The following SYTL3 variants were observed in gnomAD, a reference collection of about 807,000 sequenced individuals.
SYTL3 encodes the protein synaptotagmin like 3, also known as synaptotagmin-like protein 3.
SYTL3 carries 88 observed loss-of-function variants against 82.1 expected under a neutral mutation model. That is an observed-to-expected ratio of 1.07 (90% confidence interval 0.90 to 1.28). The LOEUF (loss-of-function observed/expected upper bound fraction) is 1.28, where lower values mean the gene tolerates loss of function less well. Among genes scored for constraint, SYTL3 ranks in the 50% most tolerant of loss-of-function variants. SYTL3 has a pLI of 0.00. For missense variants in SYTL3, 831 were observed against 757.6 expected (o/e 1.10, Z -1.14); for synonymous variants, 311 against 289.4 (o/e 1.07, Z -0.76).
At chr6:158,683,154 A>G (rs1778907892) in intron 6 of SYTL3, among the ~76,000 whole-genome samples, 165 bp downstream of exon 6, 1 of 148,400 alleles carries the variant, frequency 6.7e-6, no homozygotes, top group South Asian at 2.1e-4. Flanking sequence ...CACGCTGCTC[A>G]TTCCCTCTGC....
Position 158,665,418 on chromosome 6 carries a change from A to G in SYTL3, c.134A>G (p.His45Arg), listed in dbSNP as rs772353824. ...RTRKLKTHLQ[H>R]LRWKGAKNTD... ...AGGAAACTGAAAACACACCTGCAGCATCTCCGGTGGAAAGGAGCGAAGAAC... is the reference window on the plus strand; with the variant it reads ...AGGAAACTGAAAACACACCTGCAGCGTCTCCGGTGGAAAGGAGCGAAGAAC... Residue 45 changes from histidine (H) to arginine (R), a missense_variant, in exon 5 of 18, where the codon CAT (histidine) becomes CGT (arginine). Physicochemically the swap from His to Arg is conservative, Grantham distance 29. Transcript: ENST00000611299. 2.5e-5 allele frequency: 40 copies of G among 1,602,138 alleles called. No individual in the cohort carries two copies. In the South Asian group the frequency reaches 4.4e-4, roughly 18 times the overall value.
At chr6:158,725,439 A>G (rs1018432695) in intron 10 of SYTL3, 64 bp from the exon 11 acceptor site, 61 of 1,575,274 alleles carry the variant, frequency 3.9e-5, no homozygotes, top group Non-Finnish European at 4.8e-5. Flanking sequence ...TGAAGTCACC[A>G]CATTTGAACA....
intron 13 of SYTL3, among the ~76,000 whole-genome samples, chr6:158,752,610 G>A (rs926877823): frequency 3.3e-5 from 5 of 152,170 alleles, no homozygotes; most frequent in African/African-American, 9.7e-5. Context: ...CTCTGATGTC[G>A]GGTGGAAGGC....
chr6:158,648,598 A>AT (rs1358477657), upstream of SYTL3, among the ~76,000 whole-genome samples: 102 of 134,156 alleles, frequency 7.6e-4, no homozygotes, highest in African/African-American at 2.6e-3. Context: ...CTCAAAAAAA[A>AT]AAAAAAAAAA....
At position 158,665,625 on chromosome 6, in the gene SYTL3, C is replaced by T. The variant is rs965157412; in HGVS notation, c.329+12C>T. The T allele has an allele frequency of 1.8e-5, 27 of 1,531,680 alleles. No individual in the cohort carries two copies. The highest frequency in any genetic ancestry group is 2.4e-5 in the South Asian group (2 of 82,752). The allele number at this position is 1,531,680 out of a possible 1,614,324, so 94.9% of individuals were successfully genotyped here. A position where few individuals can be genotyped will look rare whatever the true frequency, so the allele number is the denominator to read the frequency against. On this transcript the variant is annotated intron_variant, in intron 5 of 17. Coordinates refer to ENST00000611299, the MANE Select transcript of SYTL3 (RefSeq NM_001242394.2). ...TGCTTCGAGGACAGGTAAGCATGGC[C>T]GGTGGTTGGATCCCTCCCACTGATT...
chr6:158,677,705 C>CAAAA (rs56865775), intron 5 of SYTL3, among the ~76,000 whole-genome samples: 13 of 68,106 alleles, frequency 1.9e-4, no homozygotes, highest in African/African-American at 3.0e-4. Flanking sequence ...AACTCTGTCT[C>CAAAA]AAAAAAAAAA....
intron 11 of SYTL3, among the ~76,000 whole-genome samples, chr6:158,744,304 CTTTTTTTTT>C (rs869182913): frequency 1.0e-5 from 1 of 99,220 alleles, no homozygotes; most frequent in East Asian, 3.4e-4. Flanking sequence ...CTTTTTCTTT[CTTTTTTTTT>C]TTTTTTTTTT....
Position 158,745,628 on chromosome 6 carries a change from A to T in SYTL3, c.1004A>T (p.Tyr335Phe), listed in dbSNP as rs373013617. The stretch of plus-strand genomic sequence containing the variant: ...ATCAAGGCCTGTAAGAACCTTGCCT[A>T]TGGAGAAGAAAAGAAGAAAAAGTGC... ...ICIKACKNLA[Y>F]GEEKKKKCNP... The change falls in exon 12 of 18, where the codon TAT becomes TTT. Residue 335 changes from tyrosine (Y) to phenylalanine (F), a missense_variant. Coordinates refer to ENST00000611299, the MANE Select transcript of SYTL3 (RefSeq NM_001242394.2). 2.5e-6 allele frequency: 4 copies of T among 1,604,628 alleles called. No individual in the cohort carries two copies. The highest frequency in any genetic ancestry group is 1.8e-5 in the Admixed American group (1 of 56,852).
intron 11 of SYTL3, among the ~76,000 whole-genome samples, chr6:158,737,871 A>G (rs557517043): frequency 6.6e-6 from 1 of 152,282 alleles, no homozygotes; most frequent in South Asian, 2.1e-4. Context: ...ACTCAGAGAC[A>G]TGAGCATACA....
chr6:158,749,936 C>A (rs1788183056), intron 12 of SYTL3, among the ~76,000 whole-genome samples: 1 of 152,128 alleles, frequency 6.6e-6, no homozygotes, highest in Non-Finnish European at 1.5e-5. Context: ...CCTATCACTC[C>A]TGGTTATATG....
upstream of SYTL3, among the ~76,000 whole-genome samples, chr6:158,645,289 A>G (rs1174407609): frequency 6.6e-6 from 1 of 152,122 alleles, no homozygotes; most frequent in Non-Finnish European, 1.5e-5. Context: ...TTGGGTGGAA[A>G]ATTTTGTAAA....
At chr6:158,704,138 T>G (rs551425375) in intron 6 of SYTL3, among the ~76,000 whole-genome samples, 1 of 118,412 alleles carries the variant, frequency 8.4e-6, no homozygotes, top group East Asian at 2.0e-4. Flanking sequence ...GGTTTTACAT[T>G]TTTAAATGGT....
At chr6:158,661,916 C>T (rs955327583) in intron 3 of SYTL3, among the ~76,000 whole-genome samples, 1 of 152,184 alleles carries the variant, frequency 6.6e-6, no homozygotes, top group Non-Finnish European at 1.5e-5. Flanking sequence ...TACTATATTA[C>T]AATTTTTAAA....
At position 158,752,013 on chromosome 6, in the gene SYTL3, T is replaced by C. The variant is rs765418949; in HGVS notation, c.1120T>C (p.Phe374Leu). Reference protein sequence around the residue: ...GVQRNTVDPTFQETLKYQVAP... With the variant: ...GVQRNTVDPTLQETLKYQVAP... ...CCAAAGGAACACCGTGGACCCGACC[T>C]TTCAGGAGACCTTGAAGGTACTTGC... The change falls in exon 13 of 18, where the codon TTT (phenylalanine) becomes CTT (leucine). Residue 374 changes from phenylalanine (F) to leucine (L), a missense_variant. Phe to Leu is a conservative substitution (Grantham distance 22). Transcript: ENST00000611299. 6.9e-6 allele frequency: 11 copies of C among 1,596,648 alleles called. No individual in the cohort carries two copies. Among genetic ancestry groups the C allele is most frequent in the Non-Finnish European group, 9.4e-6 (11 of 1,173,734 alleles).
At chr6:158,659,131 A>C (rs962431258) in intron 2 of SYTL3, among the ~76,000 whole-genome samples, 3 of 152,208 alleles carry the variant, frequency 2.0e-5, no homozygotes, top group African/African-American at 7.2e-5. Context: ...ATGAATGCGG[A>C]ATACACATAC....
chr6:158,701,480 G>A (rs1347264432), intron 6 of SYTL3, among the ~76,000 whole-genome samples: 9 of 141,832 alleles, frequency 6.3e-5, no homozygotes, highest in African/African-American at 2.4e-4. Context: ...AGGACTGTCT[G>A]GGGGGAGGAG....
chr6:158,704,485 G>A (rs1781740740), intron 6 of SYTL3, among the ~76,000 whole-genome samples: 2 of 152,292 alleles, frequency 1.3e-5, no homozygotes, highest in South Asian at 4.1e-4. Flanking sequence ...GGTCTGAGAT[G>A]TGGACCTGAG....
At chr6:158,671,718 A>G (rs1777398924) in intron 5 of SYTL3, among the ~76,000 whole-genome samples, 1 of 147,930 alleles carries the variant, frequency 6.8e-6, no homozygotes, top group South Asian at 2.2e-4. Flanking sequence ...CAGTGAGCTG[A>G]CAGCGAGACT....
chr6:158,657,163 T>C (rs2128353207), intron 2 of SYTL3, among the ~76,000 whole-genome samples: 2 of 152,186 alleles, frequency 1.3e-5, no homozygotes, highest in East Asian at 1.9e-4. Flanking sequence ...CGGTGACTCA[T>C]GCCTGTAATC....
Sources: gnomAD v4.1 joint callset for allele counts (sites outside exome capture counted in the v4.1 genomes callset) on GRCh38, gnomAD v4.1.1 for gene constraint, MANE v1.5 for transcripts, NCBI Gene and HGNC (gene_info 2026-07-23, HGNC 2026-07-21) for gene names.